The following CADPS variants were observed in gnomAD, a reference collection of about 807,000 sequenced individuals.
The protein encoded by CADPS is calcium dependent secretion activator, also known as calcium-dependent secretion activator 1.
Under a neutral mutation model 167.3 loss-of-function variants are expected in CADPS, and 57 were observed. The observed-to-expected ratio is 0.34, with a 90% confidence interval of 0.28 to 0.42. The LOEUF (loss-of-function observed/expected upper bound fraction) is 0.42. CADPS is among the 20% of genes least tolerant of loss of function. The pLI is 1.00. For synonymous variants in CADPS, 676 were observed against 635.3 expected (o/e 1.06, Z -0.96); for missense variants, 1,414 against 1,738.1 (o/e 0.81, Z 3.32).
intron 6 of CADPS, among the ~76,000 whole-genome samples, chr3:62,624,284 T>G (rs2063647261): frequency 6.6e-6 from 1 of 152,112 alleles, no homozygotes; most frequent in Admixed American, 6.6e-5. Flanking sequence ...TAGAATACAA[T>G]GTTTGGGCCC....
At chr3:62,550,911 C>T (rs2077218256) in intron 10 of CADPS, 1 of 456,716 alleles carries the variant, frequency 2.2e-6, no homozygotes, top group South Asian at 1.5e-5. Context: ...AGGAGGAAAC[C>T]CTGACTTTCC....
At chr3:62,525,520 C>T (rs933927261) in intron 13 of CADPS, among the ~76,000 whole-genome samples, 5 of 152,032 alleles carry the variant, frequency 3.3e-5, no homozygotes, top group African/African-American at 1.2e-4. Flanking sequence ...TAACATGAGA[C>T]CAAGAATGTG....
At chr3:62,845,024 TC>T (rs1265339043) in intron 1 of CADPS, among the ~76,000 whole-genome samples, 5 of 152,164 alleles carry the variant, frequency 3.3e-5, no homozygotes, top group Admixed American at 2.0e-4. Context: ...TCACGGAAAC[TC>T]GTCATCACAG....
intron 1 of CADPS, among the ~76,000 whole-genome samples, chr3:62,833,168 GATTT>G (rs2075370547): frequency 6.6e-6 from 1 of 151,958 alleles, no homozygotes; most frequent in Non-Finnish European, 1.5e-5. Flanking sequence ...TTGATTGATT[GATTT>G]GAGACAAGAT....
chr3:62,509,691 G>C (rs930377361), intron 17 of CADPS, among the ~76,000 whole-genome samples: 1 of 152,080 alleles, frequency 6.6e-6, no homozygotes, highest in Non-Finnish European at 1.5e-5. Flanking sequence ...AACTGCCCTC[G>C]GGAAGAATTT....
rs1460644546 is a variant in CADPS, at chr3:62,608,933, A to C, written c.1326-16185T>G. Among the ~76,000 whole-genome samples, 3 of 152,198 alleles carry C rather than the reference A, an allele frequency of 2.0e-5. No individual in the cohort carries two copies. In the East Asian group the frequency reaches 5.8e-4, roughly 29 times the overall value. On this transcript the variant is annotated intron_variant, in intron 6 of 29. Transcript: ENST00000383710. The stretch of plus-strand genomic sequence containing the variant: ...TCATGTCCTTTGCCCAGGTAAAGTA[A>C]GAGAGCAAATATTTCTGCCATGCAT...
chr3:62,875,097 G>C lies in CADPS; in HGVS notation c.-68C>G. The C allele has an allele frequency of 6.8e-7, 1 of 1,462,490 alleles. No homozygotes were observed. The highest frequency in any genetic ancestry group is 9.1e-7 in the Non-Finnish European group (1 of 1,096,778). 90.6% of individuals were successfully genotyped at this position (1,462,490 alleles called of 1,614,324 possible). A position where few individuals can be genotyped will look rare whatever the true frequency, so the allele number is the denominator to read the frequency against. ...AGTGCAAAAGGTGGGGGGCGCTGGA[G>C]GCAGCCGGGGATCAGCTCTCCCGGG... is the stretch of plus-strand genomic sequence containing the variant. On this transcript the variant is annotated 5_prime_UTR_variant, in exon 1 of 30. Coordinates refer to ENST00000383710, the MANE Select transcript of CADPS (RefSeq NM_003716.4).
intron 1 of CADPS, among the ~76,000 whole-genome samples, chr3:62,859,289 A>C (rs2080308068): frequency 6.6e-6 from 1 of 152,186 alleles, no homozygotes; most frequent in Non-Finnish European, 1.5e-5. Flanking sequence ...ATGCTGCAGC[A>C]GACTTGTATT....
At chr3:62,706,993 A>C (rs2082428117) in intron 3 of CADPS, among the ~76,000 whole-genome samples, 1 of 152,138 alleles carries the variant, frequency 6.6e-6, no homozygotes, top group South Asian at 2.1e-4. Context: ...TTACATTTAT[A>C]CAAAAAAAGG....
At position 62,441,519 on chromosome 3, in the gene CADPS, G is replaced by A. The variant is rs2056310737; in HGVS notation, c.3670-3308C>T. On this transcript the variant is annotated intron_variant, in intron 27 of 29. Coordinates refer to ENST00000383710, the MANE Select transcript of CADPS (RefSeq NM_003716.4). ...TCTAAAACAAAGACATATGCTTTGGGGATCATGTAATGTTTTAGGTGACTG... is the reference window on the plus strand; with the variant it reads ...TCTAAAACAAAGACATATGCTTTGGAGATCATGTAATGTTTTAGGTGACTG... 5.9e-5 allele frequency among the ~76,000 whole-genome samples: 9 copies of A among 152,240 alleles called. No individual in the cohort carries two copies. The South Asian group carries it at 1.9e-3, about 32-fold the overall frequency.
At chr3:62,792,535 C>A (rs2093040868) in intron 1 of CADPS, among the ~76,000 whole-genome samples, 1 of 151,958 alleles carries the variant, frequency 6.6e-6, no homozygotes, top group Non-Finnish European at 1.5e-5. Context: ...TGTCCTCTGC[C>A]ACAGGATCTT....
chr3:62,668,806 G>A (rs2074974114), intron 3 of CADPS, among the ~76,000 whole-genome samples: 1 of 152,092 alleles, frequency 6.6e-6, no homozygotes, highest in Non-Finnish European at 1.5e-5. Flanking sequence ...CTGGGTAAAT[G>A]CCTGGCAGAT....
chr3:62,402,548 A>T (rs937765452), intron 29 of CADPS, among the ~76,000 whole-genome samples: 2 of 152,244 alleles, frequency 1.3e-5, no homozygotes, highest in Non-Finnish European at 2.9e-5. Context: ...CTTTCAGGGT[A>T]TGTTATCTCA....
At chr3:62,487,133 T>C (rs2062947038) in intron 21 of CADPS, among the ~76,000 whole-genome samples, 1 of 152,206 alleles carries the variant, frequency 6.6e-6, no homozygotes, top group Admixed American at 6.5e-5. Flanking sequence ...CAGTCCTAAC[T>C]TGAAGTGGGC....
intron 1 of CADPS, among the ~76,000 whole-genome samples, chr3:62,799,512 A>G (rs1186301565): frequency 6.6e-6 from 1 of 152,148 alleles, no homozygotes; most frequent in Non-Finnish European, 1.5e-5. Context: ...TATGGAATAC[A>G]TTCAGGTCTA....
chr3:62,487,673 C>T (rs2063049655), intron 21 of CADPS, among the ~76,000 whole-genome samples: 2 of 152,224 alleles, frequency 1.3e-5, no homozygotes, highest in Admixed American at 1.3e-4. Flanking sequence ...TAGGGAAAGG[C>T]TGCCATAGGA....
chr3:62,508,484 G>A lies in CADPS; in HGVS notation c.2599+4267C>T, dbSNP rs2067094713. 4.6e-5 allele frequency among the ~76,000 whole-genome samples: 7 copies of A among 152,256 alleles called. No individual in the cohort carries two copies. In the South Asian group the frequency reaches 1.5e-3, roughly 32 times the overall value. ...ACAACTAACCAGATGTTTAACCTTG[G>A]GGGAGTGACTTAACATGTTTCTACT... On this transcript the variant is annotated intron_variant, in intron 17 of 29. Coordinates refer to ENST00000383710, the MANE Select transcript of CADPS (RefSeq NM_003716.4).
intron 5 of CADPS, among the ~76,000 whole-genome samples, chr3:62,649,634 C>A (rs572779124): frequency 7.3e-6 from 1 of 136,900 alleles, no homozygotes; most frequent in African/African-American, 2.7e-5. Flanking sequence ...GATTATGGCT[C>A]ACTGCAGCCT....
At chr3:62,703,453 G>T (rs1288436561) in intron 3 of CADPS, among the ~76,000 whole-genome samples, 1 of 152,118 alleles carries the variant, frequency 6.6e-6, no homozygotes, top group Non-Finnish European at 1.5e-5. Flanking sequence ...GGACTCTGTT[G>T]TGTGGATTTG....
Sources: gnomAD v4.1 joint callset for allele counts (sites outside exome capture counted in the v4.1 genomes callset) on GRCh38, gnomAD v4.1.1 for gene constraint, MANE v1.5 for transcripts, NCBI Gene and HGNC (gene_info 2026-07-23, HGNC 2026-07-21) for gene names.